Variants in CRPPA observed in about 807,000 individuals in gnomAD.
CRPPA encodes the protein D-ribitol-5-phosphate cytidylyltransferase.
Under a neutral mutation model 52.0 loss-of-function variants are expected in CRPPA, and 43 were observed. That is an observed-to-expected ratio of 0.83 (90% CI 0.65 to 1.07). The LOEUF (loss-of-function observed/expected upper bound fraction) is 1.07, where lower values mean the gene tolerates loss of function less well. Among genes scored for constraint, CRPPA ranks in the 50% least tolerant of loss-of-function variants. The pLI, the probability that CRPPA is intolerant of heterozygous loss-of-function variation, is 0.00. For missense variants in CRPPA, 629 were observed against 551.7 expected (o/e 1.14, Z -1.40); for synonymous variants, 250 against 203.5 (o/e 1.23, Z -1.94).
intron 8 of CRPPA, among the ~76,000 whole-genome samples, chr7:16,223,782 A>G (rs1489131846): frequency 6.6e-6 from 1 of 152,186 alleles, no homozygotes; most frequent in Admixed American, 6.5e-5. Context: ...TAATAAAATA[A>G]ACTTACAGCC....
intron 9 of CRPPA, among the ~76,000 whole-genome samples, chr7:16,210,117 C>T (rs1376564263): frequency 3.9e-5 from 6 of 152,136 alleles, no homozygotes; most frequent in Non-Finnish European, 4.4e-5. Flanking sequence ...GATATTATCA[C>T]TCTACATGCA....
chr7:16,097,088 C>T (rs978719616), intron 9 of CRPPA, among the ~76,000 whole-genome samples: 5 of 152,072 alleles, frequency 3.3e-5, no homozygotes, highest in Admixed American at 2.0e-4. Flanking sequence ...ATTCCGGGAG[C>T]ATTTCTCTCC....
chr7:16,366,726 A>G (rs1459190079), intron 3 of CRPPA, among the ~76,000 whole-genome samples: 2 of 151,856 alleles, frequency 1.3e-5, no homozygotes, highest in Non-Finnish European at 2.9e-5. Flanking sequence ...AGAAAATGAC[A>G]TGACTATATG....
intron 9 of CRPPA, among the ~76,000 whole-genome samples, chr7:16,130,905 C>A (rs532420599): frequency 6.6e-6 from 1 of 152,152 alleles, no homozygotes; most frequent in East Asian, 1.9e-4. Context: ...GGGATTAGTG[C>A]CCTTATACAA....
At chr7:16,205,135 T>C (rs1291317332) in intron 9 of CRPPA, among the ~76,000 whole-genome samples, 1 of 152,176 alleles carries the variant, frequency 6.6e-6, no homozygotes, top group Non-Finnish European at 1.5e-5. Flanking sequence ...CACCATTACT[T>C]ATGTTCTTGA....
At chr7:16,179,410 A>T (rs1310614707) in intron 9 of CRPPA, among the ~76,000 whole-genome samples, 1 of 152,090 alleles carries the variant, frequency 6.6e-6, no homozygotes, top group African/African-American at 2.4e-5. Flanking sequence ...AAAGATCTTG[A>T]AATGAGAAGG....
intron 1 of CRPPA, among the ~76,000 whole-genome samples, chr7:16,414,420 G>A (rs1788144811): frequency 6.7e-6 from 1 of 148,394 alleles, no homozygotes; most frequent in African/African-American, 2.5e-5. Flanking sequence ...CACTTTCCTT[G>A]TATATTTAAA....
chr7:16,115,519 T>C (rs1376574025), intron 9 of CRPPA, among the ~76,000 whole-genome samples: 1 of 152,202 alleles, frequency 6.6e-6, no homozygotes, highest in Non-Finnish European at 1.5e-5. Context: ...CCTAGTCCTG[T>C]TCACTTTGAA....
chr7:16,339,347 T>C (rs1451599551), intron 3 of CRPPA, among the ~76,000 whole-genome samples: 1 of 152,132 alleles, frequency 6.6e-6, no homozygotes, highest in Admixed American at 6.5e-5. Context: ...CTATACACCA[T>C]GACCAAGGGG....
intron 9 of CRPPA, among the ~76,000 whole-genome samples, chr7:16,122,167 G>A (rs537864760): frequency 3.3e-5 from 5 of 152,140 alleles, no homozygotes; most frequent in Non-Finnish European, 7.4e-5. Context: ...TAATTTAGCT[G>A]TTATATAGAA....
intron 2 of CRPPA, among the ~76,000 whole-genome samples, chr7:16,394,287 G>C (rs764406679): frequency 6.6e-6 from 1 of 152,042 alleles, no homozygotes; most frequent in African/African-American, 2.4e-5. Flanking sequence ...TAGTGATTAC[G>C]AACAAACTAT....
At chr7:16,200,585 C>T (rs1213171576) in intron 9 of CRPPA, among the ~76,000 whole-genome samples, 6 of 152,108 alleles carry the variant, frequency 3.9e-5, no homozygotes. Flanking sequence ...GATTTTTAGA[C>T]ATATAATTAA....
chr7:16,315,114 A>C (rs990070336), intron 3 of CRPPA, among the ~76,000 whole-genome samples: 1 of 152,132 alleles, frequency 6.6e-6, no homozygotes, highest in African/African-American at 2.4e-5. Flanking sequence ...ATATATACTC[A>C]AGCTGAGATA....
chr7:16,169,654 T>C (rs1781137661), intron 9 of CRPPA, among the ~76,000 whole-genome samples: 1 of 152,264 alleles, frequency 6.6e-6, no homozygotes, highest in Admixed American at 6.5e-5. Flanking sequence ...GTGAGTCTGT[T>C]GCCCAGGAAT....
intron 9 of CRPPA, among the ~76,000 whole-genome samples, chr7:16,175,666 A>T (rs932501926): frequency 6.6e-6 from 1 of 152,168 alleles, no homozygotes; most frequent in Non-Finnish European, 1.5e-5. Flanking sequence ...TTTTAAGTAT[A>T]TTTCTATGCT....
At chr7:16,097,982 A>G (rs756295691) in intron 9 of CRPPA, among the ~76,000 whole-genome samples, 3 of 152,244 alleles carry the variant, frequency 2.0e-5, no homozygotes, top group Non-Finnish European at 4.4e-5. Flanking sequence ...CTCAAAGGAT[A>G]ACTTCGGGAG....
intron 9 of CRPPA, among the ~76,000 whole-genome samples, chr7:16,201,736 T>C (rs1009907956): frequency 6.6e-5 from 10 of 152,206 alleles, no homozygotes; most frequent in African/African-American, 2.2e-4. Context: ...TCTTGCCCAC[T>C]AAACTACAGG....
At chr7:16,372,363 TTACATGCCA>T (rs1161852066) in intron 3 of CRPPA, among the ~76,000 whole-genome samples, 1 of 152,170 alleles carries the variant, frequency 6.6e-6, no homozygotes, top group Admixed American at 6.5e-5. Flanking sequence ...AGCAGAAACC[TTACATGCCA>T]GAGGGATTGG....
At chr7:16,258,858 A>G in intron 7 of CRPPA, 62 bp downstream of exon 7, 1 of 984,182 alleles carries the variant, frequency 1.0e-6, no homozygotes, top group Non-Finnish European at 1.5e-6. Flanking sequence ...TAAGAATCAA[A>G]TTAGTTCTCT....
Sources: gnomAD v4.1 joint callset for allele counts (sites outside exome capture counted in the v4.1 genomes callset) on GRCh38, gnomAD v4.1.1 for gene constraint, MANE v1.5 for transcripts, NCBI Gene and HGNC (gene_info 2026-07-23, HGNC 2026-07-21) for gene names.